Variants in CBLN2 observed in about 807,000 individuals in gnomAD.
The protein encoded by CBLN2 is cerebellin-2.
In CBLN2, 7 loss-of-function variants were observed where a neutral mutation model predicts 15.0. That is an observed-to-expected ratio of 0.47 (90% CI 0.27 to 0.88). CBLN2 has a LOEUF of 0.88. Among genes scored for constraint, CBLN2 ranks in the 40% least tolerant of loss-of-function variants. The pLI is 0.14. For missense variants in CBLN2, 242 were observed against 304.5 expected (o/e 0.79, Z 1.53); for synonymous variants, 149 against 135.2 (o/e 1.10, Z -0.71).
chr18:72,549,702 T>G (rs969782178), intron 1 of CBLN2, among the ~76,000 whole-genome samples: 5 of 152,184 alleles, frequency 3.3e-5, no homozygotes, highest in African/African-American at 1.2e-4. Context: ...AAACCCAATT[T>G]GGGCAAGACA....
chr18:72,597,779 T>A (rs975475501), intron 1 of CBLN2, among the ~76,000 whole-genome samples: 2 of 152,198 alleles, frequency 1.3e-5, no homozygotes, highest in Non-Finnish European at 2.9e-5. Flanking sequence ...GCACTCCTCC[T>A]TCTCCTTTAC....
intron 1 of CBLN2, among the ~76,000 whole-genome samples, chr18:72,595,944 C>A (rs990619653): frequency 2.6e-5 from 4 of 152,026 alleles, no homozygotes; most frequent in Admixed American, 2.6e-4. Context: ...TTGTAGGCGA[C>A]AGATTGTTGG....
At chr18:72,590,409 G>A (rs1250819419) in intron 1 of CBLN2, among the ~76,000 whole-genome samples, 1 of 152,068 alleles carries the variant, frequency 6.6e-6, no homozygotes, top group Non-Finnish European at 1.5e-5. Flanking sequence ...TTGCACTATT[G>A]CACTCCAGCC....
intron 1 of CBLN2, among the ~76,000 whole-genome samples, chr18:72,589,769 T>C (rs1419589997): frequency 2.6e-5 from 4 of 152,112 alleles, no homozygotes; most frequent in Admixed American, 2.6e-4. Flanking sequence ...AACAAAAGGC[T>C]ATTGTGGGAC....
rs1416334338 is a variant in CBLN2 at position 72,543,681 on chromosome 18, G to A, written c.-211-151C>T. On this transcript the variant is annotated intron_variant, in intron 1 of 4. Transcript: ENST00000269503. The surrounding 1 kb of genome is among the most constrained non-coding windows in gnomAD (Gnocchi z 6.8). ...GCTTCAGGGGTGCACCACGCCCCGC[G>A]CGCCCGCTTAGGCGCCGCGCCCGGG... 2.8e-6 allele frequency: 1 copy of A among 357,664 alleles called. No homozygotes were observed. The highest frequency in any genetic ancestry group is 5.0e-6 in the Non-Finnish European group (1 of 199,940). 22.2% of individuals were successfully genotyped at this position (357,664 alleles called of 1,614,324 possible).
intron 1 of CBLN2, among the ~76,000 whole-genome samples, chr18:72,576,570 A>T (rs2069368120): frequency 6.6e-6 from 1 of 152,196 alleles, no homozygotes; most frequent in Non-Finnish European, 1.5e-5. Context: ...CTATTATAAC[A>T]TTGTTTTCAT....
chr18:72,628,001 C>G (rs1741393619), intron 1 of CBLN2, among the ~76,000 whole-genome samples: 1 of 152,078 alleles, frequency 6.6e-6, no homozygotes, highest in South Asian at 2.1e-4. Flanking sequence ...TTTCTTATGT[C>G]TTATGTATTA....
chr18:72,572,956 C>T (rs1300539728), intron 1 of CBLN2, among the ~76,000 whole-genome samples: 1 of 151,926 alleles, frequency 6.6e-6, no homozygotes, highest in Non-Finnish European at 1.5e-5. Flanking sequence ...CATATAAATT[C>T]CAAAACAGAT....
At chr18:72,570,782 A>G (rs1268455889) in intron 1 of CBLN2, among the ~76,000 whole-genome samples, 1 of 152,172 alleles carries the variant, frequency 6.6e-6, no homozygotes, top group Non-Finnish European at 1.5e-5. Context: ...GAGAGCTGCA[A>G]CAAGAAGGCA....
In CBLN2 at chr18:72,538,481, T is replaced by C. The variant is rs1409757342; in HGVS notation, c.478-108A>G. 6 of 1,436,876 alleles carry C rather than the reference T, an allele frequency of 4.2e-6. No individual in the cohort carries two copies. In the African/African-American group the frequency reaches 8.4e-5, roughly 20 times the overall value. The allele number at this position is 1,436,876 out of a possible 1,614,324, so 89.0% of individuals were successfully genotyped here. ...TCCCACCCCCATCCTTCCCTTAGAG[T>C]ACACATCAGGGGAGCCTGACAGTGA... is the stretch of plus-strand genomic sequence containing the variant. On this transcript the variant is annotated intron_variant, in intron 4 of 4. Coordinates refer to ENST00000269503, the MANE Select transcript of CBLN2 (RefSeq NM_182511.4).
intron 1 of CBLN2, among the ~76,000 whole-genome samples, chr18:72,563,347 G>A (rs1303534599): frequency 6.6e-6 from 1 of 152,138 alleles, no homozygotes; most frequent in East Asian, 1.9e-4. Flanking sequence ...TCTATAAGAT[G>A]AGTGGAAATG....
chr18:72,593,229 GTATTT>G (rs1466373519), intron 1 of CBLN2, among the ~76,000 whole-genome samples: 1 of 151,778 alleles, frequency 6.6e-6, no homozygotes, highest in Non-Finnish European at 1.5e-5. Flanking sequence ...TTCTTCCTTG[GTATTT>G]TATTTTGTTT....
chr18:72,548,781 C>A (rs1316635861), upstream of CBLN2, among the ~76,000 whole-genome samples: 2 of 152,284 alleles, frequency 1.3e-5, no homozygotes, highest in East Asian at 1.9e-4. Context: ...CCATGGGCAT[C>A]CTCTGCATAC....
chr18:72,579,071 A>G (rs1568122564), intron 1 of CBLN2, among the ~76,000 whole-genome samples: 2 of 152,198 alleles, frequency 1.3e-5, no homozygotes, highest in Admixed American at 1.3e-4. Flanking sequence ...ACTGTGGTCT[A>G]TGATAGACAT....
At chr18:72,610,577 T>C (rs925787585) in intron 1 of CBLN2, among the ~76,000 whole-genome samples, 3 of 152,142 alleles carry the variant, frequency 2.0e-5, no homozygotes, top group Non-Finnish European at 2.9e-5. Flanking sequence ...ACTGCTGTAA[T>C]CCCAGCACCT....
chr18:72,586,970 T>C (rs2069447864), intron 1 of CBLN2, among the ~76,000 whole-genome samples: 1 of 152,098 alleles, frequency 6.6e-6, no homozygotes, highest in Non-Finnish European at 1.5e-5. Flanking sequence ...ATAAACCTGT[T>C]ATCCAGTTAC....
chr18:72,539,242 T>C (rs1010609702), intron 3 of CBLN2: 2 of 162,106 alleles, frequency 1.2e-5, no homozygotes, highest in Admixed American at 5.8e-5. Context: ...GAAGCGGCTA[T>C]GGGGCAAGAG....
chr18:72,593,744 T>A (rs893795035), intron 1 of CBLN2, among the ~76,000 whole-genome samples: 1 of 152,172 alleles, frequency 6.6e-6, no homozygotes, highest in East Asian at 1.9e-4. Flanking sequence ...TCAAATTTTT[T>A]AGCATCAATT....
intron 1 of CBLN2, among the ~76,000 whole-genome samples, chr18:72,610,048 G>A (rs981615557): frequency 5.3e-5 from 8 of 152,124 alleles, no homozygotes; most frequent in African/African-American, 1.7e-4. Flanking sequence ...TCAACCCAGG[G>A]CCACCCACAC....
Sources: allele counts gnomAD v4.1 joint callset (sites outside exome capture counted in the v4.1 genomes callset), GRCh38; gene constraint gnomAD v4.1.1; non-coding constraint Gnocchi (gnomAD v3.1); transcripts MANE v1.5; gene names NCBI Gene and HGNC (gene_info 2026-07-23, HGNC 2026-07-21).